The following RASAL2 variants were observed in gnomAD, a reference collection of about 807,000 sequenced individuals.
The protein encoded by RASAL2 is ras GTPase-activating protein nGAP.
Under a neutral mutation model 128.9 loss-of-function variants are expected in RASAL2, and 58 were observed. The observed-to-expected ratio is 0.45, with a 90% CI of 0.36 to 0.56. RASAL2 has a LOEUF of 0.56. Among genes scored for constraint, RASAL2 ranks in the 20% least tolerant of loss-of-function variants. RASAL2 has a pLI of 0.00. For synonymous variants in RASAL2, 561 were observed against 580.8 expected, an observed-to-expected ratio of 0.97 and a Z score of 0.49; for missense variants, 1,360 against 1,601.6, an observed-to-expected ratio of 0.85 and a Z score of 2.57.
At chr1:178,151,869 A>G (rs1177255808) in intron 1 of RASAL2, among the ~76,000 whole-genome samples, 1 of 152,182 alleles carries the variant, frequency 6.6e-6, no homozygotes, top group African/African-American at 2.4e-5. Flanking sequence ...GGACGTCTGT[A>G]TAGTCCTGTG....
At chr1:178,312,752 AC>A (rs1668319932) in intron 3 of RASAL2, among the ~76,000 whole-genome samples, 1 of 152,238 alleles carries the variant, frequency 6.6e-6, no homozygotes, top group Admixed American at 6.5e-5. Context: ...ATCAGCGGAA[AC>A]AATAGGAAGC....
chr1:178,159,875 T>C (rs1661214204), intron 1 of RASAL2, among the ~76,000 whole-genome samples: 1 of 151,870 alleles, frequency 6.6e-6, no homozygotes, highest in East Asian at 1.9e-4. Flanking sequence ...ACTTCACTCC[T>C]GCCTGGGCGA....
chr1:178,449,257 A>C (rs932181165), intron 9 of RASAL2, among the ~76,000 whole-genome samples: 3 of 152,102 alleles, frequency 2.0e-5, no homozygotes, highest in African/African-American at 7.2e-5. Flanking sequence ...TCTTCCATCT[A>C]TTATCCCATT....
At chr1:178,305,108 T>A (rs1474509754) in intron 3 of RASAL2, among the ~76,000 whole-genome samples, 1 of 152,138 alleles carries the variant, frequency 6.6e-6, no homozygotes, top group Non-Finnish European at 1.5e-5. Context: ...TGAGTATCGC[T>A]ACAATGAAAA....
chr1:178,254,458 A>G (rs1318700621), intron 1 of RASAL2, among the ~76,000 whole-genome samples: 1 of 152,240 alleles, frequency 6.6e-6, no homozygotes, highest in Non-Finnish European at 1.5e-5. Context: ...TGAAACTTAT[A>G]AAGAAAACAG....
intron 17 of RASAL2, among the ~76,000 whole-genome samples, chr1:178,469,060 G>A (rs1280515891): frequency 6.6e-6 from 1 of 152,202 alleles, no homozygotes; most frequent in African/African-American, 2.4e-5. Flanking sequence ...CACTTTGGGA[G>A]GCTGAGGCAG....
At chr1:178,172,164 G>A (rs1343048858) in intron 1 of RASAL2, among the ~76,000 whole-genome samples, 2 of 151,954 alleles carry the variant, frequency 1.3e-5, no homozygotes, top group African/African-American at 4.8e-5. Flanking sequence ...TCATGAATTT[G>A]CAAGTCCTTC....
intron 2 of RASAL2, among the ~76,000 whole-genome samples, chr1:178,296,153 GTA>G (rs894273287): frequency 8.0e-6 from 1 of 125,400 alleles, no homozygotes; most frequent in Non-Finnish European, 1.5e-5. Flanking sequence ...GTATATATGT[GTA>G]TATATATGTG....
chr1:178,228,452 G>A (rs368780912), intron 1 of RASAL2, among the ~76,000 whole-genome samples: 7 of 152,060 alleles, frequency 4.6e-5, no homozygotes, highest in Non-Finnish European at 1.0e-4. Context: ...GTGTGGTGGC[G>A]GGTGCCTGTA....
chr1:178,456,522 C>T (rs1677783719), intron 12 of RASAL2, 199 bp from the exon 13 acceptor site: 12 of 666,746 alleles, frequency 1.8e-5, no homozygotes, highest in South Asian at 1.7e-4. Context: ...CACCTTGTTT[C>T]GCCTCCTCCA....
intron 1 of RASAL2, among the ~76,000 whole-genome samples, chr1:178,223,664 A>G (rs961714616): frequency 1.3e-5 from 2 of 152,202 alleles, no homozygotes; most frequent in Admixed American, 1.3e-4. Flanking sequence ...TTCTGACTAC[A>G]GTAGGAAAAA....
chr1:178,128,959 G>A (rs565206237), intron 1 of RASAL2, among the ~76,000 whole-genome samples: 1 of 152,054 alleles, frequency 6.6e-6, no homozygotes, highest in East Asian at 1.9e-4. Context: ...GGACATTTGG[G>A]TTGTTCGGCT....
At chr1:178,462,535 A>G (rs763031564) in intron 14 of RASAL2, among the ~76,000 whole-genome samples, 18 of 152,174 alleles carry the variant, frequency 1.2e-4, no homozygotes, top group Non-Finnish European at 2.4e-4. Flanking sequence ...AATTCATGAA[A>G]CAAAAATCAC....
intron 1 of RASAL2, among the ~76,000 whole-genome samples, chr1:178,189,882 A>G (rs762827761): frequency 2.6e-5 from 4 of 152,188 alleles, no homozygotes; most frequent in South Asian, 2.1e-4. Flanking sequence ...TGCATGTCCA[A>G]TTGTTTTTGT....
At chr1:178,464,178 CTG>C in intron 14 of RASAL2, 98 bp from the exon 15 acceptor site, 2 of 1,366,482 alleles carry the variant, frequency 1.5e-6, no homozygotes, top group Non-Finnish European at 1.9e-6. Flanking sequence ...TATTAGAAAA[CTG>C]AGAGATCACA....
intron 1 of RASAL2, among the ~76,000 whole-genome samples, chr1:178,240,189 A>T (rs1358527961): frequency 6.6e-6 from 1 of 152,054 alleles, no homozygotes; most frequent in Non-Finnish European, 1.5e-5. Context: ...GAAATTATGG[A>T]GTTGCTGGCT....
chr1:178,432,478 T>G (rs1675977466), intron 5 of RASAL2, among the ~76,000 whole-genome samples: 1 of 152,134 alleles, frequency 6.6e-6, no homozygotes, highest in Admixed American at 6.5e-5. Context: ...CTTTAAATGT[T>G]AACATGCCTC....
At chr1:178,157,747 C>T (rs1232844625) in intron 1 of RASAL2, among the ~76,000 whole-genome samples, 2 of 152,142 alleles carry the variant, frequency 1.3e-5, no homozygotes, top group African/African-American at 4.8e-5. Context: ...ATTCACCCTT[C>T]AAGTGCATCT....
chr1:178,473,675 A>G lies in RASAL2; in HGVS notation c.*436A>G, dbSNP rs1648479621. Reference sequence around the variant, plus strand: ...CCAAGCATCTATCTGATAGAAGCACATGGAGTGCAATAGGACATTGTGAGA... The same window carrying G: ...CCAAGCATCTATCTGATAGAAGCACGTGGAGTGCAATAGGACATTGTGAGA... On this transcript the variant is annotated 3_prime_UTR_variant, in exon 18 of 18. Transcript: ENST00000367649. 1 of 188,074 alleles carries G rather than the reference A, an allele frequency of 5.3e-6. No individual in the cohort carries two copies. Among genetic ancestry groups the G allele is most frequent in the African/African-American group, 2.4e-5 (1 of 41,828 alleles). The allele number at this position is 188,074 out of a possible 1,614,324, so 11.7% of individuals were successfully genotyped here. A position where few individuals can be genotyped will look rare whatever the true frequency, so the allele number is the denominator to read the frequency against.
Sources: allele counts gnomAD v4.1 joint callset (sites outside exome capture counted in the v4.1 genomes callset), GRCh38; gene constraint gnomAD v4.1.1; transcripts MANE v1.5; gene names NCBI Gene and HGNC (gene_info 2026-07-23, HGNC 2026-07-21).